The following TMIGD1 variants were observed in gnomAD, a reference collection of about 807,000 sequenced individuals.
TMIGD1 encodes transmembrane and immunoglobulin domain containing 1.
Under a neutral mutation model 27.5 loss-of-function variants are expected in TMIGD1, and 29 were observed. The ratio of observed to expected loss-of-function variants is 1.05; its 90% CI spans 0.78 to 1.44. The LOEUF (loss-of-function observed/expected upper bound fraction) is 1.44. Ranked by LOEUF, TMIGD1 falls within the 40% of genes most tolerant of loss-of-function variation. The pLI is 0.00. For synonymous variants in TMIGD1, 109 were observed against 110.3 expected, an observed-to-expected ratio of 0.99 and a Z score of 0.07; for missense variants, 334 against 310.6, an observed-to-expected ratio of 1.08 and a Z score of -0.57.
In TMIGD1 at chr17:30,332,146, A is replaced by G. The variant is rs1345369883; in HGVS notation, c.-13T>C. On this transcript the variant is annotated 5_prime_UTR_variant, in exon 2 of 7. Coordinates refer to ENST00000328886, the MANE Select transcript of TMIGD1 (RefSeq NM_206832.3). ...TCTTCCATGCCATCTTTAATGAGTT[A>G]AACTCAGATCTACTAAGGGAAAAAT... The G allele has an allele frequency of 1.7e-5, 27 of 1,607,606 alleles. No homozygotes were observed. Among genetic ancestry groups the G allele is most frequent in the Non-Finnish European group, 2.1e-5 (25 of 1,176,448 alleles).
intron 2 of TMIGD1, among the ~76,000 whole-genome samples, chr17:30,330,699 GT>G (rs1174678533): frequency 1.3e-5 from 2 of 151,926 alleles, no homozygotes; most frequent in Admixed American, 6.6e-5. Context: ...TACATACCAG[GT>G]TTTTTTTGTT....
intron 4 of TMIGD1, among the ~76,000 whole-genome samples, chr17:30,324,188 T>G (rs982123525): frequency 6.6e-6 from 1 of 152,238 alleles, no homozygotes; most frequent in Non-Finnish European, 1.5e-5. Context: ...TGAGCATTTT[T>G]GGCATCTGCT....
intron 3 of TMIGD1, 112 bp downstream of exon 3, chr17:30,329,139 G>T: frequency 1.6e-6 from 2 of 1,280,954 alleles, no homozygotes; most frequent in Non-Finnish European, 2.2e-6. Context: ...CATACTTTGT[G>T]GTAGGAGCAT....
intron 3 of TMIGD1, among the ~76,000 whole-genome samples, chr17:30,328,998 G>T (rs866364463): frequency 4.0e-4 from 56 of 138,780 alleles, no homozygotes; most frequent in African/African-American, 1.2e-3. Context: ...AAAGAAAAAA[G>T]AAAAAGAAAA....
At chr17:30,328,627 T>A (rs1030733334) in intron 3 of TMIGD1, among the ~76,000 whole-genome samples, 7 of 151,966 alleles carry the variant, frequency 4.6e-5, no homozygotes. Flanking sequence ...ACCATTATGT[T>A]TACACAAAGG....
chr17:30,325,823 C>T (rs1250071837), intron 3 of TMIGD1, among the ~76,000 whole-genome samples: 1 of 152,148 alleles, frequency 6.6e-6, no homozygotes, highest in African/African-American at 2.4e-5. Context: ...AGCATGAGAA[C>T]TCTGGCATCT....
chr17:30,323,094 T>TG (rs1168309779), intron 4 of TMIGD1, among the ~76,000 whole-genome samples: 4 of 152,046 alleles, frequency 2.6e-5, no homozygotes, highest in East Asian at 1.9e-4. Context: ...CGCTTGAGCC[T>TG]GGGGGGATGA....
At chr17:30,330,758 G>A (rs1392349587) in intron 2 of TMIGD1, among the ~76,000 whole-genome samples, 1 of 152,140 alleles carries the variant, frequency 6.6e-6, no homozygotes, top group Non-Finnish European at 1.5e-5. Flanking sequence ...TCATTGCATA[G>A]TAATACACCT....
chr17:30,330,751 T>C (rs1449388351), intron 2 of TMIGD1, among the ~76,000 whole-genome samples: 5 of 152,242 alleles, frequency 3.3e-5, no homozygotes, highest in African/African-American at 1.2e-4. Flanking sequence ...AACCTATTCA[T>C]TGCATAGTAA....
chr17:30,330,384 G>A (rs1326000393), intron 2 of TMIGD1, among the ~76,000 whole-genome samples: 3 of 152,076 alleles, frequency 2.0e-5, no homozygotes, highest in Non-Finnish European at 2.9e-5. Context: ...TTGTTTACTT[G>A]AAGGGATTGA....
chr17:30,319,261 A>ATATATATATAT (rs1555600534), intron 4 of TMIGD1, among the ~76,000 whole-genome samples: 3 of 69,044 alleles, frequency 4.3e-5, no homozygotes, highest in African/African-American at 2.7e-4. Flanking sequence ...AAAAAAAAAA[A>ATATATATATAT]ATATATATAT....
intron 3 of TMIGD1, among the ~76,000 whole-genome samples, chr17:30,328,708 C>T (rs927280151): frequency 6.6e-6 from 1 of 152,044 alleles, no homozygotes; most frequent in Non-Finnish European, 1.5e-5. Flanking sequence ...GTAATCCCAG[C>T]AGTTTGAGAG....
chr17:30,331,156 C>T (rs780343514), intron 2 of TMIGD1, among the ~76,000 whole-genome samples: 2 of 152,170 alleles, frequency 1.3e-5, no homozygotes, highest in Non-Finnish European at 2.9e-5. Context: ...GATCACACCA[C>T]TGCACTCCAG....
intron 4 of TMIGD1, among the ~76,000 whole-genome samples, chr17:30,321,382 C>G (rs1909615746): frequency 1.3e-5 from 2 of 152,220 alleles, no homozygotes; most frequent in South Asian, 4.1e-4. Flanking sequence ...CCCCTGGATT[C>G]TGATGCCATC....
At chr17:30,324,617 C>T (rs1257669466) in intron 4 of TMIGD1, among the ~76,000 whole-genome samples, 199 bp downstream of exon 4, 1 of 152,108 alleles carries the variant, frequency 6.6e-6, no homozygotes, top group African/African-American at 2.4e-5. Flanking sequence ...AAACAGTGTC[C>T]TGTATGGAAT....
At chr17:30,332,663 T>C (rs931376106) in intron 1 of TMIGD1, among the ~76,000 whole-genome samples, 4 of 152,128 alleles carry the variant, frequency 2.6e-5, no homozygotes, top group African/African-American at 7.2e-5. Flanking sequence ...GTTTAAACCA[T>C]GTTAATCTTG....
chr17:30,318,945 T>C (rs760036963), intron 4 of TMIGD1, 32 bp from the exon 5 acceptor site: 39 of 1,473,410 alleles, frequency 2.6e-5, no homozygotes, highest in Non-Finnish European at 3.5e-5. Flanking sequence ...GGAATAAGAA[T>C]GAACATTTAT....
rs182957243 is a variant in TMIGD1 at position 30,328,617 on chromosome 17, A to T, written c.361+634T>A. Among the ~76,000 whole-genome samples the T allele has an allele frequency of 1.1e-3, 168 of 152,250 alleles. 1 individual carries two copies. The highest frequency in any genetic ancestry group is 3.8e-3 in the African/African-American group (158 of 41,536). On this transcript the variant is annotated intron_variant, in intron 3 of 6. Transcript: ENST00000328886. ...TTTCATGGAAACAAACAAAAAAAAG[A>T]CCATTATGTTTACACAAAGGTGAAC...
At chr17:30,330,732 AC>A (rs1216543470) in intron 2 of TMIGD1, among the ~76,000 whole-genome samples, 19 of 152,114 alleles carry the variant, frequency 1.2e-4, no homozygotes, top group African/African-American at 4.6e-4. Context: ...TTCAGCTCTG[AC>A]TTTTAGAAAC....
Sources: allele counts gnomAD v4.1 joint callset (sites outside exome capture counted in the v4.1 genomes callset), GRCh38; gene constraint gnomAD v4.1.1; transcripts MANE v1.5; gene names NCBI Gene and HGNC (gene_info 2026-07-23, HGNC 2026-07-21).